BMPR1B: variants seen among roughly 807,000 people sequenced by gnomAD.
BMPR1B encodes bone morphogenetic protein receptor type-1B.
Under a neutral mutation model 59.1 loss-of-function variants are expected in BMPR1B, and 12 were observed. That is an observed-to-expected ratio of 0.20 (90% CI 0.13 to 0.33). The LOEUF (loss-of-function observed/expected upper bound fraction) is 0.33. Ranked by LOEUF, BMPR1B falls within the 10% of genes least tolerant of loss-of-function variation. BMPR1B has a pLI of 1.00. For synonymous variants in BMPR1B, 237 were observed against 207.3 expected (o/e 1.14, Z -1.23); for missense variants, 550 against 610.9 (o/e 0.90, Z 1.05).
At chr4:94,946,548 T>C (rs971423022) in intron 2 of BMPR1B, among the ~76,000 whole-genome samples, 1 of 152,206 alleles carries the variant, frequency 6.6e-6, no homozygotes, top group South Asian at 2.1e-4. Flanking sequence ...CTACATACAA[T>C]TGATTTTTCT....
chr4:94,842,053 C>G (rs968535344), intron 1 of BMPR1B, among the ~76,000 whole-genome samples: 1 of 152,138 alleles, frequency 6.6e-6, no homozygotes, highest in South Asian at 2.1e-4. Context: ...AGTTCCGTTA[C>G]AGTACAGATG....
At chr4:94,801,882 GTTAA>G (rs1474372089) in intron 1 of BMPR1B, among the ~76,000 whole-genome samples, 1 of 152,154 alleles carries the variant, frequency 6.6e-6, no homozygotes, top group Admixed American at 6.5e-5. Flanking sequence ...AGAGTTAACA[GTTAA>G]TTAACAGTTA....
chr4:94,769,408 C>T lies in BMPR1B; in HGVS notation c.-183+11340C>T, dbSNP rs370528022. 1.5e-4 allele frequency among the ~76,000 whole-genome samples: 23 copies of T among 152,170 alleles called. No homozygotes were observed. In the East Asian group the frequency reaches 1.9e-3, roughly 13 times the overall value. On this transcript the variant is annotated intron_variant, in intron 1 of 12. Coordinates refer to ENST00000515059, the MANE Select transcript of BMPR1B (RefSeq NM_001203.3). Reference sequence around the variant, plus strand: ...GGTGGATCACTTGAGGTCAGGAGTTCGAGACCAGCCTGACCAACATGGTGA... The same window carrying T: ...GGTGGATCACTTGAGGTCAGGAGTTTGAGACCAGCCTGACCAACATGGTGA...
At chr4:94,833,527 C>T (rs546831216) in intron 1 of BMPR1B, among the ~76,000 whole-genome samples, 50 of 152,202 alleles carry the variant, frequency 3.3e-4, no homozygotes, top group African/African-American at 1.2e-3. Context: ...TGTTCTCTTA[C>T]TCATCTTCCC....
intron 8 of BMPR1B, 132 bp downstream of exon 8, chr4:95,125,253 T>C (rs1732825382): frequency 2.5e-6 from 3 of 1,178,568 alleles, no homozygotes; most frequent in African/African-American, 1.5e-5. Context: ...GGACATCCGA[T>C]CTCAGCTGCA....
intron 2 of BMPR1B, among the ~76,000 whole-genome samples, chr4:94,908,457 G>A (rs760411714): frequency 2.0e-5 from 3 of 151,498 alleles, no homozygotes; most frequent in Non-Finnish European, 2.9e-5. Flanking sequence ...CAGTGGCCCC[G>A]TCTCTTGTGC....
intron 3 of BMPR1B, among the ~76,000 whole-genome samples, chr4:95,084,284 G>A (rs1326508088): frequency 6.6e-6 from 1 of 151,046 alleles, no homozygotes; most frequent in Non-Finnish European, 1.5e-5. Context: ...GTATGTACAT[G>A]ATCTATACAT....
chr4:94,827,466 T>G (rs1724425626), intron 1 of BMPR1B, among the ~76,000 whole-genome samples: 1 of 152,232 alleles, frequency 6.6e-6, no homozygotes, highest in African/African-American at 2.4e-5. Context: ...GTTTGCACAT[T>G]ACTGCCTCTT....
intron 1 of BMPR1B, among the ~76,000 whole-genome samples, chr4:94,764,389 C>T (rs976268159): frequency 6.6e-6 from 1 of 152,172 alleles, no homozygotes; most frequent in Non-Finnish European, 1.5e-5. Context: ...GTATTCTTCT[C>T]TATATAACTC....
intron 1 of BMPR1B, among the ~76,000 whole-genome samples, chr4:94,817,687 C>T (rs766510561): frequency 6.6e-6 from 1 of 152,096 alleles, no homozygotes; most frequent in Non-Finnish European, 1.5e-5. Context: ...TTCCTGCTCC[C>T]ATGATTACTG....
At chr4:94,942,479 G>GA (rs1383958257) in intron 2 of BMPR1B, among the ~76,000 whole-genome samples, 1 of 152,094 alleles carries the variant, frequency 6.6e-6, no homozygotes, top group Non-Finnish European at 1.5e-5. Flanking sequence ...ATGCTACTTA[G>GA]AAAAAACTAT....
At chr4:95,082,708 G>A (rs950586922) in intron 3 of BMPR1B, among the ~76,000 whole-genome samples, 2 of 151,768 alleles carry the variant, frequency 1.3e-5, no homozygotes, top group Admixed American at 6.6e-5. Context: ...TTTTCATGCT[G>A]TAGATTTGAA....
At chr4:94,906,993 T>C (rs1728069801) in intron 2 of BMPR1B, among the ~76,000 whole-genome samples, 1 of 152,070 alleles carries the variant, frequency 6.6e-6, no homozygotes, top group Middle Eastern at 3.2e-3. Context: ...CCTGTCTCCA[T>C]ATAGATATCT....
chr4:94,867,682 G>A (rs928721546), intron 1 of BMPR1B, among the ~76,000 whole-genome samples: 9 of 152,190 alleles, frequency 5.9e-5, no homozygotes, highest in African/African-American at 2.2e-4. Context: ...TGGGACGTAT[G>A]GAACTTTTTA....
intron 3 of BMPR1B, among the ~76,000 whole-genome samples, chr4:95,068,157 A>G (rs1047411641): frequency 2.0e-5 from 3 of 152,086 alleles, no homozygotes; most frequent in African/African-American, 7.2e-5. Flanking sequence ...CAGGCTAGGA[A>G]CCACATGTTT....
intron 2 of BMPR1B, among the ~76,000 whole-genome samples, chr4:94,907,751 T>C (rs1333114664): frequency 2.6e-5 from 4 of 151,964 alleles, no homozygotes; most frequent in Non-Finnish European, 4.4e-5. Context: ...ATCTATTAAT[T>C]CATTCAGTGA....
At chr4:94,939,486 A>G (rs1729433039) in intron 2 of BMPR1B, among the ~76,000 whole-genome samples, 2 of 152,184 alleles carry the variant, frequency 1.3e-5, no homozygotes, top group South Asian at 4.1e-4. Flanking sequence ...TTGTATTTGC[A>G]TATTTGGATA....
chr4:95,130,166 G>A (rs1471876460), intron 9 of BMPR1B, 112 bp downstream of exon 9: 1 of 1,319,262 alleles, frequency 7.6e-7, no homozygotes, highest in Non-Finnish European at 1.1e-6. Context: ...ATGTATTGAA[G>A]TTTTCTTCTT....
intron 2 of BMPR1B, among the ~76,000 whole-genome samples, chr4:94,959,991 AATT>A (rs1176351306): frequency 2.0e-5 from 3 of 152,148 alleles, no homozygotes; most frequent in African/African-American, 7.2e-5. Flanking sequence ...AAATCCTTTG[AATT>A]ATTGTTTAAA....
Sources: gnomAD v4.1 joint callset for allele counts (sites outside exome capture counted in the v4.1 genomes callset) on GRCh38, gnomAD v4.1.1 for gene constraint, MANE v1.5 for transcripts, NCBI Gene and HGNC (gene_info 2026-07-23, HGNC 2026-07-21) for gene names.